The following IL1RAPL2 variants were observed in gnomAD, a reference collection of about 807,000 sequenced individuals.
IL1RAPL2 encodes the protein X-linked interleukin-1 receptor accessory protein-like 2.
A neutral mutation model predicts 44.1 loss-of-function variants in IL1RAPL2; 3 were observed. That is an observed-to-expected ratio of 0.07 (90% CI 0.03 to 0.18). IL1RAPL2 has a LOEUF of 0.18. Ranked by LOEUF, IL1RAPL2 falls within the 10% of genes least tolerant of loss-of-function variation. The probability of loss-of-function intolerance (pLI) is 1.00; values close to 1 mark genes in which losing one functional copy is unlikely to be tolerated. For synonymous variants in IL1RAPL2, 181 were observed against 178.8 expected, an observed-to-expected ratio of 1.01 and a Z score of -0.10; for missense variants, 391 against 496.4, an observed-to-expected ratio of 0.79 and a Z score of 2.02.
intron 2 of IL1RAPL2, among the ~76,000 whole-genome samples, chrX:104,902,608 CAG>C (rs1269908206): frequency 8.9e-6 from 1 of 111,864 alleles, no homozygotes; most frequent in Non-Finnish European, 1.9e-5. Context: ...TCAAGCCTAA[CAG>C]ATTATTTAGT....
At chrX:105,038,493 A>G (rs919679493) in intron 2 of IL1RAPL2, among the ~76,000 whole-genome samples, 3 of 111,736 alleles carry the variant, frequency 2.7e-5, no homozygotes, top group Non-Finnish European at 3.8e-5. Flanking sequence ...GGTGTTTGGT[A>G]TCTCATCATA....
chrX:105,083,736 G>A (rs777994146), intron 2 of IL1RAPL2, among the ~76,000 whole-genome samples: 4 of 111,806 alleles, frequency 3.6e-5, no homozygotes, highest in Non-Finnish European at 7.5e-5. Context: ...AAGTAAAGGA[G>A]AAATAGAATC....
chrX:104,954,677 C>T (rs996283192), intron 2 of IL1RAPL2, among the ~76,000 whole-genome samples: 6 of 112,130 alleles, frequency 5.4e-5, no homozygotes, highest in African/African-American at 1.9e-4. Context: ...GCTAGGACTA[C>T]AGGCACTGAC....
chrX:105,082,084 G>A (rs1371904070), intron 2 of IL1RAPL2, among the ~76,000 whole-genome samples: 2 of 111,427 alleles, frequency 1.8e-5, no homozygotes, highest in East Asian at 5.7e-4. Flanking sequence ...GGTAGAATTC[G>A]GCTGTGAATC....
chrX:105,401,956 C>T lies in IL1RAPL2; in HGVS notation c.698-82357C>T, dbSNP rs182517978. Among the ~76,000 whole-genome samples, 530 of 108,734 alleles carry T rather than the reference C, an allele frequency of 4.9e-3. 5 individuals are homozygous for T. Among genetic ancestry groups the T allele is most frequent in the African/African-American group, 0.017 (501 of 29,962 alleles). 94.4% of individuals were successfully genotyped at this position (108,734 alleles called of 115,157 possible). Reference sequence around the variant, plus strand: ...TTTAAAGTATCCTGAAGGTAACTAGCAAAGTTTAGGTGCTTGAAAAAAATT... The same window carrying T: ...TTTAAAGTATCCTGAAGGTAACTAGTAAAGTTTAGGTGCTTGAAAAAAATT... On this transcript the variant is annotated intron_variant, in intron 5 of 10. Coordinates refer to ENST00000372582, the MANE Select transcript of IL1RAPL2 (RefSeq NM_017416.2).
chrX:105,329,790 C>T (rs2034971742), intron 5 of IL1RAPL2, among the ~76,000 whole-genome samples: 1 of 109,729 alleles, frequency 9.1e-6, no homozygotes, highest in Admixed American at 9.8e-5. Context: ...AGAGTTAGTA[C>T]CAAAAAAGAA....
intron 2 of IL1RAPL2, among the ~76,000 whole-genome samples, chrX:104,956,875 A>T (rs1257818598): frequency 9.0e-6 from 1 of 111,242 alleles, no homozygotes; most frequent in Non-Finnish European, 1.9e-5. Flanking sequence ...TTCATATCTT[A>T]AAAAAAATTG....
intron 2 of IL1RAPL2, among the ~76,000 whole-genome samples, chrX:104,760,273 T>C: frequency 8.9e-6 from 1 of 111,872 alleles, no homozygotes; most frequent in Non-Finnish European, 1.9e-5. Context: ...GATATACTTA[T>C]TTCATTTCAT....
At chrX:104,708,018 G>A (rs1228212116) in intron 2 of IL1RAPL2, among the ~76,000 whole-genome samples, 2 of 111,678 alleles carry the variant, frequency 1.8e-5, no homozygotes, top group Admixed American at 9.5e-5. Flanking sequence ...GAGGAGTGTG[G>A]CAGGTCTTGT....
At chrX:104,603,961 C>G in intron 1 of IL1RAPL2, among the ~76,000 whole-genome samples, 1 of 111,441 alleles carries the variant, frequency 9.0e-6, no homozygotes, top group East Asian at 2.8e-4. Flanking sequence ...GAGAACACCA[C>G]AAAGATACTC....
At chrX:105,202,365 G>C (rs1556147085) in intron 3 of IL1RAPL2, among the ~76,000 whole-genome samples, 1 of 112,389 alleles carries the variant, frequency 8.9e-6, no homozygotes, top group Non-Finnish European at 1.9e-5. Flanking sequence ...AATCTTAAGT[G>C]ACTTGGTTTT....
intron 5 of IL1RAPL2, among the ~76,000 whole-genome samples, chrX:105,450,396 A>G (rs776946313): frequency 8.8e-4 from 99 of 112,086 alleles, no homozygotes; most frequent in South Asian, 3.7e-3. Context: ...GATAGTAGTT[A>G]AAATTTCATG....
At chrX:104,758,134 C>T (rs1411638035) in intron 2 of IL1RAPL2, among the ~76,000 whole-genome samples, 2 of 111,795 alleles carry the variant, frequency 1.8e-5, no homozygotes, top group Non-Finnish European at 1.9e-5. Flanking sequence ...AGTCAAAAAT[C>T]ACATCCTTTG....
intron 2 of IL1RAPL2, among the ~76,000 whole-genome samples, chrX:104,924,132 C>G (rs1328170543): frequency 9.1e-6 from 1 of 110,109 alleles, no homozygotes; most frequent in Non-Finnish European, 1.9e-5. Flanking sequence ...AATATGTGCA[C>G]CCAACACTAG....
chrX:104,798,898 C>T (rs1932867980), intron 2 of IL1RAPL2, among the ~76,000 whole-genome samples: 1 of 110,975 alleles, frequency 9.0e-6, no homozygotes, highest in Admixed American at 9.6e-5. Context: ...ATTTTGTGGA[C>T]ATAATGAAAA....
At chrX:105,079,635 A>G (rs911182640) in intron 2 of IL1RAPL2, among the ~76,000 whole-genome samples, 2 of 108,881 alleles carry the variant, frequency 1.8e-5, no homozygotes, top group East Asian at 3.1e-4. Context: ...AGTCTTTGCT[A>G]TTGTGAATAG....
At chrX:105,054,615 A>G (rs2031969876) in intron 2 of IL1RAPL2, among the ~76,000 whole-genome samples, 1 of 112,010 alleles carries the variant, frequency 8.9e-6, no homozygotes, top group Non-Finnish European at 1.9e-5. Flanking sequence ...ATTGAAATTA[A>G]TTAATTTTAA....
At chrX:105,063,845 A>C (rs2032104099) in intron 2 of IL1RAPL2, among the ~76,000 whole-genome samples, 1 of 111,805 alleles carries the variant, frequency 8.9e-6, no homozygotes, top group Non-Finnish European at 1.9e-5. Flanking sequence ...AATTATTTGA[A>C]TTACCAGGTA....
chrX:104,586,687 T>C (rs1928570221), intron 1 of IL1RAPL2, among the ~76,000 whole-genome samples: 1 of 111,909 alleles, frequency 8.9e-6, no homozygotes, highest in African/African-American at 3.2e-5. Flanking sequence ...AGCATCTTAG[T>C]TATCATGTAA....
Sources: allele counts gnomAD v4.1 joint callset (sites outside exome capture counted in the v4.1 genomes callset), GRCh38; gene constraint gnomAD v4.1.1; transcripts MANE v1.5; gene names NCBI Gene and HGNC (gene_info 2026-07-23, HGNC 2026-07-21).